The following CERS3 variants were observed in gnomAD, a reference collection of about 807,000 sequenced individuals.
CERS3 encodes LAG1 homolog, ceramide synthase 3.
In CERS3, 33 loss-of-function variants were observed where a neutral mutation model predicts 50.3. The observed-to-expected ratio is 0.66, with a 90% CI of 0.50 to 0.88. CERS3 has a LOEUF of 0.88. Among genes scored for constraint, CERS3 ranks in the 40% least tolerant of loss-of-function variants. The pLI is 0.00. For synonymous variants in CERS3, 176 were observed against 155.2 expected, an observed-to-expected ratio of 1.13 and a Z score of -0.99; for missense variants, 470 against 460.3, an observed-to-expected ratio of 1.02 and a Z score of -0.19.
At chr15:100,501,639 G>C in intron 3 of CERS3, 38 bp downstream of exon 3, 2 of 1,526,548 alleles carry the variant, frequency 1.3e-6, no homozygotes, top group Non-Finnish European at 1.8e-6. Context: ...TTAGAGCAAA[G>C]AGGGGGAATG....
At chr15:100,439,716 A>G (rs561615924) in intron 11 of CERS3, among the ~76,000 whole-genome samples, 1 of 152,302 alleles carries the variant, frequency 6.6e-6, no homozygotes, top group Admixed American at 6.5e-5. Flanking sequence ...CTTTAAAAGG[A>G]GGCTTTACGG....
At position 100,401,813 on chromosome 15, in the gene CERS3, A is replaced by C. The variant is rs1334257253; in HGVS notation, c.*900T>G. 2.6e-5 allele frequency: 4 copies of C among 152,336 alleles called. No individual in the cohort carries two copies. 9.4% of individuals were successfully genotyped at this position (152,336 alleles called of 1,614,324 possible). ...CACAGAAGCTTCCCTCCTAGAAAGG[A>C]AAAAAGGGAAAGACCAGCAAAGGAC... On this transcript the variant is annotated 3_prime_UTR_variant, in exon 12 of 12. Transcript: ENST00000679737.
chr15:100,455,284 T>C (rs1260373637), intron 11 of CERS3, among the ~76,000 whole-genome samples: 3 of 150,436 alleles, frequency 2.0e-5, no homozygotes, highest in Non-Finnish European at 4.4e-5. Context: ...AAGAGTAGAA[T>C]GATAGACACC....
intron 11 of CERS3, among the ~76,000 whole-genome samples, chr15:100,416,965 A>G (rs1229319677): frequency 6.6e-6 from 1 of 152,258 alleles, no homozygotes; most frequent in Non-Finnish European, 1.5e-5. Context: ...CAACAAGCAT[A>G]TGAAAAAATA....
intron 11 of CERS3, among the ~76,000 whole-genome samples, chr15:100,427,764 T>C (rs1453631048): frequency 6.6e-6 from 1 of 152,222 alleles, no homozygotes; most frequent in Non-Finnish European, 1.5e-5. Flanking sequence ...TAACAAGTCT[T>C]CCTCATAAAT....
chr15:100,454,547 A>G (rs1302193973), intron 11 of CERS3, among the ~76,000 whole-genome samples: 2 of 152,204 alleles, frequency 1.3e-5, no homozygotes, highest in Non-Finnish European at 2.9e-5. Flanking sequence ...ATATACAAAA[A>G]TCAACTCAAC....
chr15:100,500,223 G>A (rs754159706), intron 3 of CERS3: 26 of 152,154 alleles, frequency 1.7e-4, no homozygotes, highest in Admixed American at 8.5e-4. Flanking sequence ...TTTCTGCAGC[G>A]TCACAATGGA....
chr15:100,430,287 G>A (rs112569481), intron 11 of CERS3, among the ~76,000 whole-genome samples: 41,067 of 150,560 alleles, frequency 0.27, 5,783 homozygotes, highest in East Asian at 0.41. Context: ...ACTCCAGCCT[G>A]GACGACAGAG....
chr15:100,417,053 T>TGAATAAAAAGAAAATAGTGGAGGCTAC (rs1324863715), intron 11 of CERS3, among the ~76,000 whole-genome samples: 6 of 152,120 alleles, frequency 3.9e-5, no homozygotes, highest in Non-Finnish European at 7.4e-5. Context: ...AGAACGGCTA[T>TGAATAAAAAGAAAATAGTGGAGGCTAC]GAATAAAAAG....
chr15:100,500,159 TC>T (rs1378415412), intron 3 of CERS3: 1 of 152,248 alleles, frequency 6.6e-6, no homozygotes, highest in Non-Finnish European at 1.5e-5. Context: ...TGTTAAATTT[TC>T]CTTCCTTCTA....
chr15:100,427,211 G>A (rs933758761), intron 11 of CERS3, among the ~76,000 whole-genome samples: 1 of 151,912 alleles, frequency 6.6e-6, no homozygotes, highest in Non-Finnish European at 1.5e-5. Flanking sequence ...CCTTGTGATG[G>A]CTACTTCAGA....
At chr15:100,428,139 T>C (rs1308995422) in intron 11 of CERS3, among the ~76,000 whole-genome samples, 1 of 152,220 alleles carries the variant, frequency 6.6e-6, no homozygotes, top group East Asian at 1.9e-4. Context: ...ATTTTCTCCA[T>C]CCATCAAAAC....
intron 11 of CERS3, among the ~76,000 whole-genome samples, chr15:100,445,460 T>G (rs2033894231): frequency 6.6e-6 from 1 of 152,192 alleles, no homozygotes. Flanking sequence ...TAATTAGATG[T>G]CCTAGGTCCT....
chr15:100,436,055 CA>C (rs2033389282), intron 11 of CERS3, among the ~76,000 whole-genome samples: 1 of 152,182 alleles, frequency 6.6e-6, no homozygotes, highest in Admixed American at 6.5e-5. Context: ...TTGTGGAAGA[CA>C]GTGTGGTGAA....
chr15:100,472,827 A>C, intron 9 of CERS3, 97 bp downstream of exon 9: 12 of 1,398,364 alleles, frequency 8.6e-6, no homozygotes, highest in African/African-American at 1.4e-5. Flanking sequence ...TTTTCAGGAC[A>C]CAGAGCTCTG....
At chr15:100,475,487 A>C (rs192848056) in intron 8 of CERS3, among the ~76,000 whole-genome samples, 7 of 152,336 alleles carry the variant, frequency 4.6e-5, no homozygotes, top group Admixed American at 4.6e-4. Flanking sequence ...TTATGATTGC[A>C]TTCAGGATTT....
chr15:100,481,719 A>G (rs1313592762), intron 5 of CERS3, among the ~76,000 whole-genome samples: 1 of 152,250 alleles, frequency 6.6e-6, no homozygotes, highest in Admixed American at 6.5e-5. Context: ...GCTAAGAAAG[A>G]TCATAAAACT....
At chr15:100,507,139 AAAAG>A (rs1012860855) in intron 2 of CERS3, among the ~76,000 whole-genome samples, 2 of 152,228 alleles carry the variant, frequency 1.3e-5, no homozygotes, top group African/African-American at 2.4e-5. Flanking sequence ...AAAAATAAAT[AAAAG>A]AAATAAAGAC....
At chr15:100,535,254 G>C (rs2037041972) in intron 1 of CERS3, among the ~76,000 whole-genome samples, 1 of 152,124 alleles carries the variant, frequency 6.6e-6, no homozygotes. Context: ...TATAGACTTA[G>C]TTTCTCCACT....
Sources: allele counts gnomAD v4.1 joint callset (sites outside exome capture counted in the v4.1 genomes callset), GRCh38; gene constraint gnomAD v4.1.1; transcripts MANE v1.5; gene names NCBI Gene and HGNC (gene_info 2026-07-23, HGNC 2026-07-21).